CPEB4: variants seen among roughly 807,000 people sequenced by gnomAD.
CPEB4 encodes cytoplasmic polyadenylation element binding protein 4, also known as cytoplasmic polyadenylation element-binding protein 4.
Under a neutral mutation model 72.5 loss-of-function variants are expected in CPEB4, and 12 were observed. The observed-to-expected ratio is 0.17, with a 90% CI of 0.11 to 0.27. The LOEUF (loss-of-function observed/expected upper bound fraction) is 0.27, where lower values mean the gene tolerates loss of function less well. CPEB4 is among the 10% of genes least tolerant of loss of function. CPEB4 has a pLI of 1.00. For missense variants in CPEB4, 614 were observed against 908.5 expected, an observed-to-expected ratio of 0.68 and a Z score of 4.17; for synonymous variants, 302 against 326.3, an observed-to-expected ratio of 0.93 and a Z score of 0.80.
chr5:173,932,938 G>A (rs887327595), intron 3 of CPEB4, among the ~76,000 whole-genome samples: 4 of 152,190 alleles, frequency 2.6e-5, no homozygotes, highest in East Asian at 3.8e-4. Flanking sequence ...GCTGTTTGCT[G>A]TCTAACAAAA....
At position 173,956,797 on chromosome 5, in the gene CPEB4, C is replaced by T. The variant is rs1387332403; in HGVS notation, c.*660C>T. Reference sequence around the variant, plus strand: ...GGCTGAACATAATTTCATTATCCCTCAAAAAGTTACCACCACATCAGAAAA... The same window carrying T: ...GGCTGAACATAATTTCATTATCCCTTAAAAAGTTACCACCACATCAGAAAA... On this transcript the variant is annotated 3_prime_UTR_variant, in exon 10 of 10. Transcript: ENST00000265085. 6.6e-6 allele frequency: 1 copy of T among 151,206 alleles called. No homozygotes were observed. The highest frequency in any genetic ancestry group is 1.5e-5 in the Non-Finnish European group (1 of 67,816). 9.4% of individuals were successfully genotyped at this position (151,206 alleles called of 1,614,324 possible). A position where few individuals can be genotyped will look rare whatever the true frequency, so the allele number is the denominator to read the frequency against.
At chr5:173,915,447 T>C (rs1326180282) in intron 2 of CPEB4, among the ~76,000 whole-genome samples, 1 of 152,204 alleles carries the variant, frequency 6.6e-6, no homozygotes, top group Non-Finnish European at 1.5e-5. Flanking sequence ...AGCTGGCAAG[T>C]CTGGATGTTA....
intron 1 of CPEB4, among the ~76,000 whole-genome samples, chr5:173,906,344 G>T (rs1561609700): frequency 6.6e-6 from 1 of 152,102 alleles, no homozygotes; most frequent in South Asian, 2.1e-4. Context: ...TGTTAAAAAT[G>T]GACAGAAAAG....
At chr5:173,927,853 T>C (rs1248772516) in intron 2 of CPEB4, among the ~76,000 whole-genome samples, 2 of 152,208 alleles carry the variant, frequency 1.3e-5, no homozygotes, top group African/African-American at 4.8e-5. Context: ...ACATAGATGT[T>C]TATGACGGCT....
At position 173,960,796 on chromosome 5, in the gene CPEB4, T is replaced by C. The variant is rs1235578149; in HGVS notation, c.*4659T>C. ...TGACTTCCAATTCCCAGTTCCTCCA[T>C]AGACCTTAATGTCATAGGATACGGT... On this transcript the variant is annotated 3_prime_UTR_variant, in exon 10 of 10. Transcript: ENST00000265085. The C allele has an allele frequency of 6.6e-6, 1 of 152,218 alleles. No individual in the cohort carries two copies. Among genetic ancestry groups the C allele is most frequent in the Non-Finnish European group, 1.5e-5 (1 of 68,046 alleles). The allele number at this position is 152,218 out of a possible 1,614,324, so 9.4% of individuals were successfully genotyped here.
At position 173,900,640 on chromosome 5, in the gene CPEB4, G is replaced by C. The variant is rs1310498447; in HGVS notation, c.1125+9782G>C. Among the ~76,000 whole-genome samples the C allele has an allele frequency of 6.6e-6, 1 of 152,164 alleles. No individual in the cohort carries two copies. Among genetic ancestry groups the C allele is most frequent in the Non-Finnish European group, 1.5e-5 (1 of 68,012 alleles). ...TATACTGATAGTTTTGGGGTCATAG[G>C]TTTGAACATATTTTGATTATCTCTA... is the stretch of plus-strand genomic sequence containing the variant. On this transcript the variant is annotated intron_variant, in intron 1 of 9. Coordinates refer to ENST00000265085, the MANE Select transcript of CPEB4 (RefSeq NM_030627.4). The surrounding 1 kb of genome is among the most constrained non-coding windows in gnomAD (Gnocchi z 4.4).
At chr5:173,923,344 C>CT (rs1173256214) in intron 2 of CPEB4, among the ~76,000 whole-genome samples, 18 of 152,250 alleles carry the variant, frequency 1.2e-4, no homozygotes, top group African/African-American at 4.1e-4. Flanking sequence ...TTTCTGTAGT[C>CT]AGAGAAAAGT....
chr5:173,929,372 T>G (rs1757359182), intron 2 of CPEB4, among the ~76,000 whole-genome samples: 1 of 152,208 alleles, frequency 6.6e-6, no homozygotes, highest in African/African-American at 2.4e-5. Flanking sequence ...CCAGCCTGTT[T>G]AGTAATTGTC....
chr5:173,904,590 A>G (rs11743921), intron 1 of CPEB4, among the ~76,000 whole-genome samples: 23,652 of 152,202 alleles, frequency 0.16, 1,942 homozygotes, highest in African/African-American at 0.16. Context: ...ACTAGCCAGC[A>G]TATTCATACC....
At chr5:173,925,648 C>A (rs1231968471) in intron 2 of CPEB4, among the ~76,000 whole-genome samples, 1 of 152,096 alleles carries the variant, frequency 6.6e-6, no homozygotes, top group East Asian at 1.9e-4. Flanking sequence ...CTTTGCTGTC[C>A]GATGTCCAGG....
At chr5:173,932,335 C>T in intron 2 of CPEB4, 115 bp from the exon 3 acceptor site, 2 of 667,654 alleles carry the variant, frequency 3.0e-6, no homozygotes, top group Admixed American at 3.0e-5. Flanking sequence ...TTGATATATC[C>T]TCTGATTCAA....
At chr5:173,932,354 C>A in intron 2 of CPEB4, 96 bp from the exon 3 acceptor site, 1 of 825,300 alleles carries the variant, frequency 1.2e-6, no homozygotes, top group Non-Finnish European at 1.9e-6. Flanking sequence ...AAATACCTTG[C>A]CTATTTGAAA....
intron 4 of CPEB4, among the ~76,000 whole-genome samples, chr5:173,944,490 A>C (rs1757949650): frequency 6.6e-6 from 1 of 152,102 alleles, no homozygotes; most frequent in Non-Finnish European, 1.5e-5. Flanking sequence ...AAAAAAAAAA[A>C]AAAATTGACT....
chr5:173,925,444 A>G (rs918775832), intron 2 of CPEB4, among the ~76,000 whole-genome samples: 3 of 152,204 alleles, frequency 2.0e-5, no homozygotes, highest in African/African-American at 4.8e-5. Context: ...ATAAGGGGGT[A>G]GAATAAGCTT....
intron 1 of CPEB4, among the ~76,000 whole-genome samples, chr5:173,895,620 G>A (rs1267215508): frequency 2.0e-5 from 3 of 151,968 alleles, no homozygotes; most frequent in African/African-American, 4.8e-5. Context: ...ATACAGTATC[G>A]TTCCAAGAAG....
rs146749545 is a variant in CPEB4, at chr5:173,919,830, T to C, written c.1207+9226T>C. On this transcript the variant is annotated intron_variant, in intron 2 of 9. Coordinates refer to ENST00000265085, the MANE Select transcript of CPEB4 (RefSeq NM_030627.4). ...CTTCCCAAAACTCCTGCATGGACTT[T>C]CTACCTGAATGTTGTATGCAGTTGA... Among the ~76,000 whole-genome samples the C allele has an allele frequency of 2.0e-4, 31 of 152,322 alleles. No homozygotes were observed. In the East Asian group the frequency reaches 4.1e-3, roughly 20 times the overall value.
At position 173,955,336 on chromosome 5, in the gene CPEB4, A is replaced by G. The variant is rs1237206668; in HGVS notation, c.1963-574A>G. 1.3e-5 allele frequency among the ~76,000 whole-genome samples: 2 copies of G among 149,844 alleles called. No individual in the cohort carries two copies. The highest frequency in any genetic ancestry group is 3.9e-4 in the East Asian group (2 of 5,156). On this transcript the variant is annotated intron_variant, in intron 9 of 9. Coordinates refer to ENST00000265085, the MANE Select transcript of CPEB4 (RefSeq NM_030627.4). This position sits in a 1 kb window ranked among gnomAD's most constrained non-coding sequence, Gnocchi z 4.7. ...TTTAGACTGTGAATCCTATGGCTGC[A>G]TCTTTTTTTTTTTTTTTAACAGAGT... is the stretch of plus-strand genomic sequence containing the variant.
At chr5:173,951,781 G>A (rs761204296) in intron 7 of CPEB4, 43 bp from the exon 8 acceptor site, 31 of 1,149,480 alleles carry the variant, frequency 2.7e-5, no homozygotes, top group Middle Eastern at 3.9e-4. Flanking sequence ...CCCATGAATT[G>A]TCTGTATTGA....
chr5:173,947,052 G>C lies in CPEB4; in HGVS notation c.1456+1912G>C, dbSNP rs533816285. On this transcript the variant is annotated intron_variant, in intron 5 of 9. Transcript: ENST00000265085. ...CAGACTAGACTGTTTCACAGTCTGGGGAAGATGAAAACAGCTCTGCCAGAC... is the reference window on the plus strand; with the variant it reads ...CAGACTAGACTGTTTCACAGTCTGGCGAAGATGAAAACAGCTCTGCCAGAC... Among the ~76,000 whole-genome samples the C allele has an allele frequency of 3.9e-4, 60 of 152,008 alleles. 1 individual carries two copies. The Middle Eastern group carries it at 0.01, about 26-fold the overall frequency.
Sources: gnomAD v4.1 joint callset for allele counts (sites outside exome capture counted in the v4.1 genomes callset) on GRCh38, gnomAD v4.1.1 for gene constraint, Gnocchi (gnomAD v3.1) non-coding constraint, MANE v1.5 for transcripts, NCBI Gene and HGNC (gene_info 2026-07-23, HGNC 2026-07-21) for gene names.